The following CALCR variants were observed in gnomAD, a reference collection of about 807,000 sequenced individuals.
CALCR encodes the protein calcitonin receptor.
In CALCR, 47 loss-of-function variants were observed where a neutral mutation model predicts 59.5. The observed-to-expected ratio is 0.79, with a 90% CI of 0.63 to 1.01. The LOEUF is 1.01. Ranked by LOEUF, CALCR falls within the 50% of genes least tolerant of loss-of-function variation. The probability of loss-of-function intolerance (pLI) is 0.00; values close to 1 mark genes in which losing one functional copy is unlikely to be tolerated. For synonymous variants in CALCR, 213 were observed against 211.3 expected, an observed-to-expected ratio of 1.01 and a Z score of -0.07; for missense variants, 566 against 597.1, an observed-to-expected ratio of 0.95 and a Z score of 0.54.
chr7:93,506,885 C>T (rs1295514644), intron 2 of CALCR, among the ~76,000 whole-genome samples: 1 of 152,118 alleles, frequency 6.6e-6, no homozygotes, highest in Non-Finnish European at 1.5e-5. Context: ...GTGGGTTTTT[C>T]TCATTCGATT....
At chr7:93,482,171 CT>C (rs1800812017) in intron 3 of CALCR, among the ~76,000 whole-genome samples, 2 of 151,698 alleles carry the variant, frequency 1.3e-5, no homozygotes, top group Non-Finnish European at 2.9e-5. Context: ...GTTGAGGTTT[CT>C]TTTTTTAGTT....
chr7:93,505,490 T>C (rs889237545), intron 2 of CALCR, among the ~76,000 whole-genome samples: 3 of 152,152 alleles, frequency 2.0e-5, no homozygotes, highest in Non-Finnish European at 4.4e-5. Context: ...AGAAAGAACT[T>C]GTCCAAATTT....
chr7:93,441,130 A>G (rs1799893255), intron 9 of CALCR, among the ~76,000 whole-genome samples: 1 of 152,150 alleles, frequency 6.6e-6, no homozygotes, highest in South Asian at 2.1e-4. Flanking sequence ...GAGCAGTATA[A>G]ATTGTTCCTT....
At chr7:93,542,834 A>T (rs548769050) in intron 2 of CALCR, among the ~76,000 whole-genome samples, 70 of 152,232 alleles carry the variant, frequency 4.6e-4, no homozygotes, top group African/African-American at 1.6e-3. Context: ...TTCTACCTTC[A>T]TATCTTATTC....
At chr7:93,509,155 G>T (rs1279406274) in intron 2 of CALCR, among the ~76,000 whole-genome samples, 1 of 152,096 alleles carries the variant, frequency 6.6e-6, no homozygotes, top group South Asian at 2.1e-4. Flanking sequence ...TCAGGTAAAA[G>T]CATGGCAGAG....
At chr7:93,458,050 T>A (rs1377827358) in intron 8 of CALCR, among the ~76,000 whole-genome samples, 1 of 152,170 alleles carries the variant, frequency 6.6e-6, no homozygotes, top group African/African-American at 2.4e-5. Context: ...AAATTAGAGA[T>A]AAATTTTCTT....
At chr7:93,478,428 G>A (rs1398076644) in intron 4 of CALCR, among the ~76,000 whole-genome samples, 2 of 151,774 alleles carry the variant, frequency 1.3e-5, no homozygotes, top group African/African-American at 4.8e-5. Context: ...TAGGCCAGAT[G>A]CAGTGTCTCA....
intron 2 of CALCR, among the ~76,000 whole-genome samples, chr7:93,505,186 C>T (rs947239080): frequency 6.6e-6 from 1 of 151,994 alleles, no homozygotes; most frequent in Non-Finnish European, 1.5e-5. Flanking sequence ...TATAAAAACT[C>T]AGTAGTCACA....
At chr7:93,446,947 C>T (rs1003885) in intron 8 of CALCR, among the ~76,000 whole-genome samples, 66,332 of 151,624 alleles carry the variant, frequency 0.44, 15,183 homozygotes, top group Middle Eastern at 0.56. Flanking sequence ...AGTTATACTC[C>T]ATTTTATTTT....
rs140219495 is a variant in CALCR, at chr7:93,477,511, T to G, written c.316+47A>C. The G allele has an allele frequency of 3.0e-3, 3,986 of 1,321,884 alleles. 14 individuals are homozygous for G. Among genetic ancestry groups the G allele is most frequent in the Middle Eastern group, 9.1e-3 (50 of 5,472 alleles). 81.9% of individuals were successfully genotyped at this position (1,321,884 alleles called of 1,614,324 possible). A position where few individuals can be genotyped will look rare whatever the true frequency, so the allele number is the denominator to read the frequency against. On this transcript the variant is annotated intron_variant, in intron 5 of 13. Transcript: ENST00000426151. ...ATTTTCTTCTCAAAACCATGAAAAC[T>G]CTAAAAGCTTCATAGCAAGAACATA...
intron 2 of CALCR, among the ~76,000 whole-genome samples, chr7:93,521,863 G>A (rs1436015455): frequency 6.6e-6 from 1 of 151,906 alleles, no homozygotes. Context: ...AATCCCAAGG[G>A]GTACAACATT....
chr7:93,506,061 G>A (rs1489055664), intron 2 of CALCR, among the ~76,000 whole-genome samples: 5 of 152,082 alleles, frequency 3.3e-5, no homozygotes, highest in Admixed American at 1.3e-4. Flanking sequence ...TCCCACTCAG[G>A]TGTCCCTCTC....
At chr7:93,573,981 T>C (rs1370239226) in intron 2 of CALCR, among the ~76,000 whole-genome samples, 1 of 152,158 alleles carries the variant, frequency 6.6e-6, no homozygotes, top group Admixed American at 6.5e-5. Context: ...ACCCAATAAG[T>C]TGGAGAATAA....
chr7:93,424,574 A>G lies in CALCR; in HGVS notation c.*1782T>C, dbSNP rs993594238. 2.6e-5 allele frequency: 4 copies of G among 152,662 alleles called. No individual in the cohort carries two copies. The highest frequency in any genetic ancestry group is 9.6e-5 in the African/African-American group (4 of 41,466). The allele number at this position is 152,662 out of a possible 1,614,324, so 9.5% of individuals were successfully genotyped here. ...TAACGTACTCTGTATTAATTTATAC[A>G]TATACACAAGCATAAGCATTTCACA... On this transcript the variant is annotated 3_prime_UTR_variant, in exon 14 of 14. Coordinates refer to ENST00000426151, the MANE Select transcript of CALCR (RefSeq NM_001742.4).
intron 2 of CALCR, among the ~76,000 whole-genome samples, chr7:93,530,109 C>T (rs1788793549): frequency 6.6e-6 from 1 of 152,098 alleles, no homozygotes; most frequent in Non-Finnish European, 1.5e-5. Flanking sequence ...AGAGCTCCTT[C>T]CAATTATTAC....
At chr7:93,505,576 C>T (rs1217742945) in intron 2 of CALCR, among the ~76,000 whole-genome samples, 1 of 152,160 alleles carries the variant, frequency 6.6e-6, no homozygotes, top group Non-Finnish European at 1.5e-5. Context: ...ATGTCTTTCT[C>T]TCCCGTCTTC....
At chr7:93,489,487 T>TA (rs1021213970) in intron 2 of CALCR, among the ~76,000 whole-genome samples, 3 of 151,316 alleles carry the variant, frequency 2.0e-5, no homozygotes, top group African/African-American at 7.3e-5. Context: ...GCTGGTTTTT[T>TA]AAAAAAATTT....
At chr7:93,501,551 G>C (rs1479339612) in intron 2 of CALCR, among the ~76,000 whole-genome samples, 1 of 152,032 alleles carries the variant, frequency 6.6e-6, no homozygotes, top group Non-Finnish European at 1.5e-5. Context: ...TAATAACTGA[G>C]AAGTTCAGTT....
chr7:93,438,008 T>C (rs1799816309), intron 11 of CALCR, 52 bp downstream of exon 11: 2 of 1,328,746 alleles, frequency 1.5e-6, no homozygotes, highest in South Asian at 2.4e-5. Context: ...TACACAGAAA[T>C]CTCAACTAAG....
Sources: allele counts gnomAD v4.1 joint callset (sites outside exome capture counted in the v4.1 genomes callset), GRCh38; gene constraint gnomAD v4.1.1; transcripts MANE v1.5; gene names NCBI Gene and HGNC (gene_info 2026-07-23, HGNC 2026-07-21).